CMBL: variants seen among roughly 807,000 people sequenced by gnomAD.
CMBL encodes the protein carboxymethylenebutenolidase homolog (Pseudomonas).
A neutral mutation model predicts 28.7 loss-of-function variants in CMBL; 17 were observed. That is an observed-to-expected ratio of 0.59 (90% confidence interval 0.41 to 0.89). The LOEUF is 0.89. Ranked by LOEUF, CMBL falls within the 40% of genes least tolerant of loss-of-function variation. The pLI, the probability that CMBL is intolerant of heterozygous loss-of-function variation, is 0.00. For missense variants in CMBL, 310 were observed against 298.5 expected (o/e 1.04, Z -0.28); for synonymous variants, 106 against 101.6 (o/e 1.04, Z -0.26).
At position 10,289,632 on chromosome 5, in the gene CMBL, G is replaced by A. The variant is rs1018375648; in HGVS notation, c.215+916C>T. On this transcript the variant is annotated intron_variant, in intron 2 of 5. Transcript: ENST00000296658. The surrounding 1 kb of genome is among the most constrained non-coding windows in gnomAD (Gnocchi z 4.3). Reference sequence around the variant, plus strand: ...AGTCATGCCCTCAGCACTGCGTCTGGCTGAGCAACTGAAACTAGCTATTTA... The same window carrying A: ...AGTCATGCCCTCAGCACTGCGTCTGACTGAGCAACTGAAACTAGCTATTTA... Among the ~76,000 whole-genome samples the A allele has an allele frequency of 6.6e-6, 1 of 152,200 alleles. No individual in the cohort carries two copies. Among genetic ancestry groups the A allele is most frequent in the African/African-American group, 2.4e-5 (1 of 41,438 alleles).
rs1180400265 is a variant in CMBL, at chr5:10,278,972, G to A, written c.*1481C>T. Among the ~76,000 whole-genome samples, 1 of 152,156 alleles carries A rather than the reference G, an allele frequency of 6.6e-6. No homozygotes were observed. Among genetic ancestry groups the A allele is most frequent in the Non-Finnish European group, 1.5e-5 (1 of 68,032 alleles). Reference sequence around the variant, plus strand: ...CCACATCCCCAGGATCCCCGTCAGGGCAGGGCTAGAGTTTACAGCCACTCT... The same window carrying A: ...CCACATCCCCAGGATCCCCGTCAGGACAGGGCTAGAGTTTACAGCCACTCT... On this transcript the variant is annotated 3_prime_UTR_variant, in exon 6 of 6. Transcript: ENST00000296658.
At chr5:10,282,721 C>T (rs1415362917) in intron 4 of CMBL, among the ~76,000 whole-genome samples, 1 of 152,000 alleles carries the variant, frequency 6.6e-6, no homozygotes, top group East Asian at 1.9e-4. Flanking sequence ...AAAGTTGAGG[C>T]TGCAGTGAGC....
chr5:10,303,433 T>C (rs1438045637), intron 1 of CMBL, among the ~76,000 whole-genome samples: 1 of 152,232 alleles, frequency 6.6e-6, no homozygotes, highest in African/African-American at 2.4e-5. Flanking sequence ...CACATGTATT[T>C]ATTAAAAGAT....
intron 1 of CMBL, among the ~76,000 whole-genome samples, chr5:10,295,971 G>A (rs561177843): frequency 1.3e-3 from 194 of 152,314 alleles, no homozygotes; most frequent in South Asian, 3.1e-3. Flanking sequence ...TGCTAAGCAC[G>A]GGAAGGCTGT....
chr5:10,280,502 A>G lies in CMBL; in HGVS notation c.689T>C (p.Ile230Thr). ...EDCSPADKPY[I>T]DEARRNLIEW... The stretch of plus-strand genomic sequence containing the variant: ...AATTAAATTCCTTCTGGCCTCGTCA[A>G]TGTAGGGCTTGTCTGCAGGTGAGCA... Residue 230 changes from isoleucine to threonine, a missense_variant, in exon 6 of 6, where the codon ATT becomes ACT. Coordinates refer to ENST00000296658, the MANE Select transcript of CMBL (RefSeq NM_138809.4). 1 of 1,613,508 alleles carries G rather than the reference A, an allele frequency of 6.2e-7. No individual in the cohort carries two copies. The highest frequency in any genetic ancestry group is 8.5e-7 in the Non-Finnish European group (1 of 1,179,540).
Position 10,290,549 on chromosome 5 carries a change from T to G in CMBL, c.214A>C (p.Thr72Pro), listed in dbSNP as rs750963853. 6.2e-7 allele frequency: 1 copy of G among 1,608,494 alleles called. No homozygotes were observed. The highest frequency in any genetic ancestry group is 8.5e-7 in the Non-Finnish European group (1 of 1,174,830). Residue 72 changes from threonine to proline, a missense_variant and splice_region_variant, in exon 2 of 6, where the codon ACA becomes CCA. Thr to Pro is a conservative substitution (Grantham distance 38, BLOSUM62 -1). Coordinates refer to ENST00000296658, the MANE Select transcript of CMBL (RefSeq NM_138809.4). ...AAAGAAACACAACTTTATACATACG[T>G]GTATCCATTTCCTGAGATCATGTCA... ...IADMISGNGY[T>P]TIVPDFFVGQ...
In CMBL at chr5:10,278,947, C is replaced by T. The variant is rs1746442863; in HGVS notation, c.*1506G>A. 6.6e-6 allele frequency among the ~76,000 whole-genome samples: 1 copy of T among 152,170 alleles called. No homozygotes were observed. Among genetic ancestry groups the T allele is most frequent in the Non-Finnish European group, 1.5e-5 (1 of 68,022 alleles). On this transcript the variant is annotated 3_prime_UTR_variant, in exon 6 of 6. Transcript: ENST00000296658. ...AAAGGCACATGGGAAACACCCACGA[C>T]CACATCCCCAGGATCCCCGTCAGGG...
At chr5:10,300,524 G>T (rs897216105) in intron 1 of CMBL, among the ~76,000 whole-genome samples, 5 of 152,210 alleles carry the variant, frequency 3.3e-5, no homozygotes, top group South Asian at 2.1e-4. Flanking sequence ...CTCCAGACCC[G>T]CATGGTGGCT....
In CMBL at chr5:10,290,779, G is replaced by A. The variant is rs777904326; in HGVS notation, c.-17C>T. 6.9e-6 allele frequency: 11 copies of A among 1,604,042 alleles called. No homozygotes were observed. Among genetic ancestry groups the A allele is most frequent in the Admixed American group, 5.0e-5 (3 of 59,976 alleles). On this transcript the variant is annotated splice_region_variant and 5_prime_UTR_variant, in exon 2 of 6. Transcript: ENST00000296658. ...GTTAGCCATTGCAGAGATTTAAGTC[G>A]GGCTATGGAGAGAGAAACATGCGTT...
chr5:10,295,273 G>C (rs892526279), intron 1 of CMBL, among the ~76,000 whole-genome samples: 6 of 152,046 alleles, frequency 3.9e-5, no homozygotes, highest in Non-Finnish European at 5.9e-5. Context: ...TAATAGAGAC[G>C]GGGTTTCACC....
rs1419353308 is a variant in CMBL at position 10,280,476 on chromosome 5, CAATT to C, written c.711_714del (p.Ile238SerfsTer3). On this transcript the variant is annotated frameshift_variant, in exon 6 of 6. Transcript: ENST00000296658. LOFTEE classifies it high-confidence loss of function. ...TGCTACATGTACTTGTTCAGCCACT[CAATT>C]AAATTCCTTCTGGCCTCGTCAATGT... 9 of 1,604,434 alleles carry C rather than the reference CAATT, an allele frequency of 5.6e-6. No individual in the cohort carries two copies. The highest frequency in any genetic ancestry group is 1.7e-5 in the Admixed American group (1 of 59,874).
intron 4 of CMBL, 114 bp from the exon 5 acceptor site, chr5:10,282,402 G>A: frequency 1.6e-6 from 1 of 641,626 alleles, no homozygotes; most frequent in Non-Finnish European, 2.8e-6. Context: ...CAACATTTGG[G>A]TTTGATTTTT....
chr5:10,280,838 A>C (rs1006712431), intron 5 of CMBL, among the ~76,000 whole-genome samples: 2 of 152,218 alleles, frequency 1.3e-5, no homozygotes, highest in Non-Finnish European at 2.9e-5. Context: ...CAGTGGCGCC[A>C]TCTCAGCTCA....
At chr5:10,302,172 A>T (rs1216766338) in intron 1 of CMBL, among the ~76,000 whole-genome samples, 2 of 152,120 alleles carry the variant, frequency 1.3e-5, no homozygotes, top group Non-Finnish European at 2.9e-5. Context: ...CAGGGAACAT[A>T]CCCTTGACTC....
chr5:10,278,194 T>C lies in CMBL; in HGVS notation c.*2259A>G, dbSNP rs1267844992. Among the ~76,000 whole-genome samples the C allele has an allele frequency of 6.6e-6, 1 of 152,222 alleles. No individual in the cohort carries two copies. Among genetic ancestry groups the C allele is most frequent in the Non-Finnish European group, 1.5e-5 (1 of 68,036 alleles). On this transcript the variant is annotated 3_prime_UTR_variant, in exon 6 of 6. Transcript: ENST00000296658. ...AGCTCAAGTTTGGGAATTCTTTGAA[T>C]TTTATGTTTCCTGAGCATCTATTTG... is the stretch of plus-strand genomic sequence containing the variant.
intron 4 of CMBL, among the ~76,000 whole-genome samples, chr5:10,284,234 G>C (rs527416458): frequency 6.4e-4 from 98 of 152,366 alleles, no homozygotes; most frequent in Non-Finnish European, 1.2e-3. Flanking sequence ...TCGCGCAAAA[G>C]CATGGTCTGG....
chr5:10,281,367 GCCA>G (rs1561060277), intron 5 of CMBL, among the ~76,000 whole-genome samples: 1 of 152,112 alleles, frequency 6.6e-6, no homozygotes, highest in East Asian at 1.9e-4. Flanking sequence ...ACAGATGTGT[GCCA>G]CCATCCCAGC....
At chr5:10,283,943 A>G (rs1011130064) in intron 4 of CMBL, among the ~76,000 whole-genome samples, 2 of 152,244 alleles carry the variant, frequency 1.3e-5, no homozygotes, top group African/African-American at 4.8e-5. Context: ...TAAGATAAGA[A>G]GACGTAAATA....
rs1297282624 is a variant in CMBL at position 10,278,140 on chromosome 5, T to C, written c.*2313A>G. 1.3e-5 allele frequency among the ~76,000 whole-genome samples: 2 copies of C among 152,162 alleles called. No homozygotes were observed. The highest frequency in any genetic ancestry group is 4.8e-5 in the African/African-American group (2 of 41,430). On this transcript the variant is annotated 3_prime_UTR_variant, in exon 6 of 6. Transcript: ENST00000296658. Reference sequence around the variant, plus strand: ...AGGCAAAGGGTCTCCCCATACCCATTTGACAGATGCAAAAACTGAGGCTCA... The same window carrying C: ...AGGCAAAGGGTCTCCCCATACCCATCTGACAGATGCAAAAACTGAGGCTCA...
Sources: gnomAD v4.1 joint callset for allele counts (sites outside exome capture counted in the v4.1 genomes callset) on GRCh38, gnomAD v4.1.1 for gene constraint, Gnocchi (gnomAD v3.1) non-coding constraint, MANE v1.5 for transcripts, NCBI Gene and HGNC (gene_info 2026-07-23, HGNC 2026-07-21) for gene names.